NXN: variants seen among roughly 807,000 people sequenced by gnomAD.
The protein encoded by NXN is nucleoredoxin 1.
In NXN, 16 loss-of-function variants were observed where a neutral mutation model predicts 48.6. The ratio of observed to expected loss-of-function variants is 0.33; its 90% confidence interval spans 0.22 to 0.50. NXN has a LOEUF of 0.50. Ranked by LOEUF, NXN falls within the 20% of genes least tolerant of loss-of-function variation. The pLI, the probability that NXN is intolerant of heterozygous loss-of-function variation, is 0.98. For missense variants in NXN, 492 were observed against 605.5 expected (o/e 0.81, Z 1.97); for synonymous variants, 281 against 269.6 (o/e 1.04, Z -0.41).
At chr17:931,012 G>A (rs111960585) in intron 1 of NXN, among the ~76,000 whole-genome samples, 7 of 152,024 alleles carry the variant, frequency 4.6e-5, no homozygotes, top group Admixed American at 3.3e-4. Context: ...CTCATGATCC[G>A]CCCGACTCAG....
intron 1 of NXN, among the ~76,000 whole-genome samples, chr17:965,460 A>G (rs1337455563): frequency 2.0e-5 from 3 of 152,196 alleles, no homozygotes; most frequent in Non-Finnish European, 2.9e-5. Context: ...AAAACTATCA[A>G]TAGGAACTAT....
chr17:875,940 T>C (rs112365326), intron 1 of NXN, among the ~76,000 whole-genome samples: 14,639 of 151,990 alleles, frequency 0.096, 734 homozygotes, highest in Middle Eastern at 0.15. Context: ...TCCCAGCACT[T>C]TGGGAAGCCA....
rs190862448 is a variant in NXN, at chr17:936,708, C to G, written c.360+42611G>C. 3.3e-5 allele frequency among the ~76,000 whole-genome samples: 5 copies of G among 150,218 alleles called. No individual in the cohort carries two copies. In the East Asian group the frequency reaches 9.8e-4, roughly 29 times the overall value. ...GGGGCATCAGAGCTGTCGGCGGTAC[C>G]AGTTTTCAGAATCCATGGATTTATA... is the stretch of plus-strand genomic sequence containing the variant. On this transcript the variant is annotated intron_variant, in intron 1 of 7. Coordinates refer to ENST00000336868, the MANE Select transcript of NXN (RefSeq NM_022463.5).
chr17:853,723 A>ATATATTTTTTT (rs1491528474), intron 1 of NXN, among the ~76,000 whole-genome samples: 16 of 105,974 alleles, frequency 1.5e-4, no homozygotes, highest in African/African-American at 5.6e-4. Context: ...ATATATATAT[A>ATATATTTTTTT]TTTTTTTTTT....
At position 920,850 on chromosome 17, in the gene NXN, G is replaced by T. The variant is rs2068743712; in HGVS notation, c.360+58469C>A. ...CGATTCTCTTGCCTCAACCTCCCGA[G>T]TAGTTGGGATTACAGGCGCCCGCCA... On this transcript the variant is annotated intron_variant, in intron 1 of 7. Coordinates refer to ENST00000336868, the MANE Select transcript of NXN (RefSeq NM_022463.5). This position sits in a 1 kb window ranked among gnomAD's most constrained non-coding sequence, Gnocchi z 4.6. Among the ~76,000 whole-genome samples the T allele has an allele frequency of 6.6e-6, 1 of 151,814 alleles. No individual in the cohort carries two copies. Among genetic ancestry groups the T allele is most frequent in the Non-Finnish European group, 1.5e-5 (1 of 67,994 alleles).
intron 1 of NXN, among the ~76,000 whole-genome samples, chr17:872,195 A>AGGGG (rs2068161597): frequency 7.1e-6 from 1 of 140,156 alleles, no homozygotes; most frequent in African/African-American, 2.6e-5. Context: ...ACAAGAGGAG[A>AGGGG]GGGAGGGAGG....
chr17:911,767 AT>A (rs71371591), intron 1 of NXN, among the ~76,000 whole-genome samples: 42,194 of 142,326 alleles, frequency 0.3, 6,405 homozygotes, highest in Middle Eastern at 0.56. Flanking sequence ...GGCCCGGCCA[AT>A]TTTTTTTTTT....
chr17:822,599 G>T, intron 3 of NXN, 142 bp from the exon 4 acceptor site: 1 of 614,364 alleles, frequency 1.6e-6, no homozygotes, highest in Non-Finnish European at 2.9e-6. Flanking sequence ...AAATGAGATG[G>T]GTATGGTGGC....
chr17:871,703 G>A (rs2068157109), intron 1 of NXN, among the ~76,000 whole-genome samples: 1 of 152,082 alleles, frequency 6.6e-6, no homozygotes, highest in Non-Finnish European at 1.5e-5. Context: ...GCGCCCAGCT[G>A]CATTTGCTTT....
intron 3 of NXN, among the ~76,000 whole-genome samples, chr17:822,793 C>T (rs78376952): frequency 0.044 from 6,724 of 152,238 alleles, 543 homozygotes; most frequent in African/African-American, 0.15. Flanking sequence ...ATGAACTCAT[C>T]CACATGGATT....
At chr17:927,008 G>T (rs2068806639) in intron 1 of NXN, among the ~76,000 whole-genome samples, 1 of 151,038 alleles carries the variant, frequency 6.6e-6, no homozygotes, top group South Asian at 2.1e-4. Context: ...GTATAGAAAA[G>T]GGAGGTAAGA....
chr17:837,178 A>T lies in NXN; in HGVS notation c.361-11100T>A, dbSNP rs114561694. On this transcript the variant is annotated intron_variant, in intron 1 of 7. Coordinates refer to ENST00000336868, the MANE Select transcript of NXN (RefSeq NM_022463.5). ...TGTTTTGTGGCAACAGCGTCTCGCT[A>T]TGTGCCCCAGGCTGGTCTCAAACTC... Among the ~76,000 whole-genome samples the T allele has an allele frequency of 8.8e-3, 1,332 of 152,154 alleles. 26 individuals carry two copies. Among genetic ancestry groups the T allele is most frequent in the African/African-American group, 0.031 (1,279 of 41,486 alleles).
At chr17:974,904 GCAGC>G (rs2150645496) in intron 1 of NXN, among the ~76,000 whole-genome samples, 1 of 151,932 alleles carries the variant, frequency 6.6e-6, no homozygotes, top group Non-Finnish European at 1.5e-5. Context: ...ATGGCTCACT[GCAGC>G]CTCCACCTCC....
In NXN at chr17:800,919, T is replaced by TA. The variant is rs1415397132; in HGVS notation, c.*29dup. 3.4e-5 allele frequency: 48 copies of TA among 1,392,116 alleles called. No individual in the cohort carries two copies. Among genetic ancestry groups the TA allele is most frequent in the Non-Finnish European group, 4.3e-5 (46 of 1,060,672 alleles). 86.2% of individuals were successfully genotyped at this position (1,392,116 alleles called of 1,614,324 possible). ...GGGGGAGGAGGAGAAGGCTGAGTTTTAAATAACGTCTCAGGAGGCCGGAGC... is the reference window on the plus strand; with the variant it reads ...GGGGGAGGAGGAGAAGGCTGAGTTTTAAAATAACGTCTCAGGAGGCCGGAGC... On this transcript the variant is annotated 3_prime_UTR_variant, in exon 8 of 8. Coordinates refer to ENST00000336868, the MANE Select transcript of NXN (RefSeq NM_022463.5).
Position 863,266 on chromosome 17 carries a change from C to T in NXN, c.361-37188G>A, listed in dbSNP as rs1597673171. The stretch of plus-strand genomic sequence containing the variant: ...GCTCACTGCAACCTCCACCTGGGTT[C>T]AAGTGATTCTCCTACCTCAGCCTCC... On this transcript the variant is annotated intron_variant, in intron 1 of 7. Transcript: ENST00000336868. 2.6e-5 allele frequency among the ~76,000 whole-genome samples: 4 copies of T among 152,260 alleles called. No homozygotes were observed. The South Asian group carries it at 8.3e-4, about 32-fold the overall frequency.
chr17:959,126 G>A, intron 1 of NXN: 3 of 420,932 alleles, frequency 7.1e-6, no homozygotes. Context: ...GGAGCTGCTG[G>A]GGCCCAGCAA....
intron 1 of NXN, among the ~76,000 whole-genome samples, chr17:930,943 G>C (rs1420669568): frequency 6.6e-6 from 1 of 151,844 alleles, no homozygotes; most frequent in East Asian, 1.9e-4. Flanking sequence ...AGCTAATTTT[G>C]TATTTTTAGT....
chr17:819,260 T>C, intron 5 of NXN, 179 bp downstream of exon 5: 1 of 647,366 alleles, frequency 1.5e-6, no homozygotes, highest in Non-Finnish European at 2.8e-6. Flanking sequence ...AATACTTATT[T>C]TTTAAAAATG....
chr17:895,618 C>T (rs931105959), intron 1 of NXN, among the ~76,000 whole-genome samples: 5 of 148,086 alleles, frequency 3.4e-5, no homozygotes, highest in Admixed American at 1.4e-4. Context: ...CAAGACCATC[C>T]TGGCTAACAC....
Sources: gnomAD v4.1 joint callset for allele counts (sites outside exome capture counted in the v4.1 genomes callset) on GRCh38, gnomAD v4.1.1 for gene constraint, Gnocchi (gnomAD v3.1) non-coding constraint, MANE v1.5 for transcripts, NCBI Gene and HGNC (gene_info 2026-07-23, HGNC 2026-07-21) for gene names.